The following SMIM8 variants were observed in gnomAD, a reference collection of about 807,000 sequenced individuals.
SMIM8 encodes the protein small integral membrane protein 8, also known as UPF0708 protein C6orf162.
Under a neutral mutation model 8.1 loss-of-function variants are expected in SMIM8, and 8 were observed. That is an observed-to-expected ratio of 0.99 (90% CI 0.58 to 1.78). The LOEUF is 1.78. SMIM8 is among the 40% of genes most tolerant of loss of function. SMIM8 has a pLI of 0.00. For synonymous variants in SMIM8, 45 were observed against 39.7 expected (o/e 1.13, Z -0.50); for missense variants, 126 against 119.8 (o/e 1.05, Z -0.24).
rs914081445 is a variant in SMIM8, at chr6:87,340,549, A to G, written c.*275A>G. 2.0e-4 allele frequency: 42 copies of G among 212,622 alleles called. No homozygotes were observed. The highest frequency in any genetic ancestry group is 9.3e-4 in the African/African-American group (41 of 43,880). The allele number at this position is 212,622 out of a possible 1,614,324, so 13.2% of individuals were successfully genotyped here. A position where few individuals can be genotyped will look rare whatever the true frequency, so the allele number is the denominator to read the frequency against. The stretch of plus-strand genomic sequence containing the variant: ...TGGAAGTTGTTTTTGTTAATTATTA[A>G]ATTCTGTATAATAAAAGTACCCATG... On this transcript the variant is annotated 3_prime_UTR_variant, in exon 4 of 4. Coordinates refer to ENST00000392863, the MANE Select transcript of SMIM8 (RefSeq NM_001042493.3).
At position 87,340,363 on chromosome 6, in the gene SMIM8, GT is replaced by G. The variant is rs1330368178; in HGVS notation, c.*91del. 4 of 1,258,744 alleles carry G rather than the reference GT, an allele frequency of 3.2e-6. No individual in the cohort carries two copies. Among genetic ancestry groups the G allele is most frequent in the Non-Finnish European group, 3.1e-6 (3 of 971,782 alleles). The allele number at this position is 1,258,744 out of a possible 1,614,324, so 78.0% of individuals were successfully genotyped here. On this transcript the variant is annotated 3_prime_UTR_variant, in exon 4 of 4. Coordinates refer to ENST00000392863, the MANE Select transcript of SMIM8 (RefSeq NM_001042493.3). ...GTGAGTGTACAGTATCATGTTTCTT[GT>G]TCTAGAACATGCTAATGAAGAGAGA...
rs1777238730 is a variant in SMIM8, at chr6:87,341,648, T to C, written c.*1374T>C. 5.1e-6 allele frequency: 1 copy of C among 197,628 alleles called. No individual in the cohort carries two copies. The highest frequency in any genetic ancestry group is 6.0e-5 in the Admixed American group (1 of 16,690). 12.2% of individuals were successfully genotyped at this position (197,628 alleles called of 1,614,324 possible). ...ATTTTTAATTTGTCATACTTTATTA[T>C]GGTTTTGTAAGGTACATGAAAATGT... On this transcript the variant is annotated 3_prime_UTR_variant, in exon 4 of 4. Transcript: ENST00000392863.
intron 1 of SMIM8, among the ~76,000 whole-genome samples, chr6:87,328,564 G>A (rs533190724): frequency 4.6e-5 from 7 of 152,044 alleles, no homozygotes; most frequent in African/African-American, 7.3e-5. Flanking sequence ...TAGGCTGCTC[G>A]GGGGTCAGGG....
At chr6:87,332,216 C>G (rs971903942) in intron 2 of SMIM8, among the ~76,000 whole-genome samples, 1 of 151,586 alleles carries the variant, frequency 6.6e-6, no homozygotes, top group Non-Finnish European at 1.5e-5. Context: ...GGTTGAATTT[C>G]ATAACACTCA....
intron 3 of SMIM8, among the ~76,000 whole-genome samples, chr6:87,337,407 T>C (rs1777136873): frequency 6.6e-6 from 1 of 152,192 alleles, no homozygotes; most frequent in Non-Finnish European, 1.5e-5. Context: ...CTTTATTGGA[T>C]TGGCTTCTCA....
chr6:87,337,730 G>A (rs2127924909), intron 3 of SMIM8, among the ~76,000 whole-genome samples: 1 of 152,260 alleles, frequency 6.6e-6, no homozygotes, highest in East Asian at 1.9e-4. Flanking sequence ...GGGCTCAAGG[G>A]ATCCTTGTAC....
At chr6:87,333,197 G>A (rs1473100770) in intron 2 of SMIM8, among the ~76,000 whole-genome samples, 3 of 152,126 alleles carry the variant, frequency 2.0e-5, no homozygotes, top group Non-Finnish European at 4.4e-5. Context: ...GAAAGAGAGG[G>A]GAGGTGCTAG....
At chr6:87,329,886 T>C (rs1289407142) in intron 1 of SMIM8, among the ~76,000 whole-genome samples, 2 of 152,166 alleles carry the variant, frequency 1.3e-5, no homozygotes. Context: ...GTAGCTACCA[T>C]TCATTGAACA....
chr6:87,327,688 T>G (rs1776863205), intron 1 of SMIM8, among the ~76,000 whole-genome samples: 1 of 148,172 alleles, frequency 6.7e-6, no homozygotes, highest in African/African-American at 2.5e-5. Context: ...GCCCTTAACA[T>G]TTTTTCCTTC....
intron 1 of SMIM8, among the ~76,000 whole-genome samples, chr6:87,324,497 G>T (rs1776766267): frequency 6.6e-6 from 1 of 150,504 alleles, no homozygotes; most frequent in Non-Finnish European, 1.5e-5. Flanking sequence ...TGGCTAGCCA[G>T]TTTTCCCAGC....
intron 2 of SMIM8, among the ~76,000 whole-genome samples, chr6:87,333,713 T>A (rs943537532): frequency 6.6e-6 from 1 of 152,216 alleles, no homozygotes; most frequent in Non-Finnish European, 1.5e-5. Flanking sequence ...AAAGGGATTC[T>A]GGGACTAAAG....
At position 87,341,411 on chromosome 6, in the gene SMIM8, C is replaced by T. The variant is rs1777231236; in HGVS notation, c.*1137C>T. The T allele has an allele frequency of 2.5e-6, 1 of 397,036 alleles. No individual in the cohort carries two copies. Among genetic ancestry groups the T allele is most frequent in the Non-Finnish European group, 4.4e-6 (1 of 225,218 alleles). The allele number at this position is 397,036 out of a possible 1,614,324, so 24.6% of individuals were successfully genotyped here. A position where few individuals can be genotyped will look rare whatever the true frequency, so the allele number is the denominator to read the frequency against. On this transcript the variant is annotated 3_prime_UTR_variant, in exon 4 of 4. Transcript: ENST00000392863. ...CAGGGGCCTAGGACAGAGGTCAAGGCTAGGCCCCTGTGTCTGGCCAGATTC... is the reference window on the plus strand; with the variant it reads ...CAGGGGCCTAGGACAGAGGTCAAGGTTAGGCCCCTGTGTCTGGCCAGATTC...
At chr6:87,333,188 A>AAAG (rs1325992349) in intron 2 of SMIM8, among the ~76,000 whole-genome samples, 3 of 152,112 alleles carry the variant, frequency 2.0e-5, no homozygotes, top group Middle Eastern at 3.2e-3. Context: ...AGGAAGCAAG[A>AAAG]AAGAGAGGGG....
rs1001573625 is a variant in SMIM8 at position 87,342,000 on chromosome 6, G to A, written c.*1726G>A. 3.9e-5 allele frequency: 6 copies of A among 152,184 alleles called. No individual in the cohort carries two copies. The highest frequency in any genetic ancestry group is 3.3e-4 in the Admixed American group (5 of 15,274). 9.4% of individuals were successfully genotyped at this position (152,184 alleles called of 1,614,324 possible). A position where few individuals can be genotyped will look rare whatever the true frequency, so the allele number is the denominator to read the frequency against. On this transcript the variant is annotated 3_prime_UTR_variant, in exon 4 of 4. Coordinates refer to ENST00000392863, the MANE Select transcript of SMIM8 (RefSeq NM_001042493.3). Reference sequence around the variant, plus strand: ...TGGTGGCAGAGGAGTTATTAGTTGCGTGAACTGTCAAGAGATTGCAGTGCA... The same window carrying A: ...TGGTGGCAGAGGAGTTATTAGTTGCATGAACTGTCAAGAGATTGCAGTGCA...
chr6:87,340,983 G>T lies in SMIM8; in HGVS notation c.*709G>T. On this transcript the variant is annotated 3_prime_UTR_variant, in exon 4 of 4. Transcript: ENST00000392863. ...TGTTTTACTGAGGTATGATGATTTT[G>T]ACTACAACTAAATGTTATCTATTTT... 4 of 248,926 alleles carry T rather than the reference G, an allele frequency of 1.6e-5. No homozygotes were observed. Among genetic ancestry groups the T allele is most frequent in the Non-Finnish European group, 2.2e-5 (3 of 133,482 alleles). 15.4% of individuals were successfully genotyped at this position (248,926 alleles called of 1,614,324 possible).
At chr6:87,327,759 C>G (rs531615611) in intron 1 of SMIM8, among the ~76,000 whole-genome samples, 3 of 145,520 alleles carry the variant, frequency 2.1e-5, no homozygotes, top group African/African-American at 7.7e-5. Context: ...CGAGGAGTAT[C>G]TTTGTGGCGT....
At chr6:87,331,342 T>C (rs1340482265) in intron 2 of SMIM8, among the ~76,000 whole-genome samples, 1 of 152,190 alleles carries the variant, frequency 6.6e-6, no homozygotes, top group African/African-American at 2.4e-5. Context: ...GCTTTTAAAA[T>C]TGAAACTTGT....
intron 2 of SMIM8, among the ~76,000 whole-genome samples, chr6:87,335,570 A>T (rs1358496205): frequency 2.6e-5 from 4 of 152,188 alleles, no homozygotes. Flanking sequence ...CAATTAAATG[A>T]TATAGATGAA....
At chr6:87,325,560 G>C (rs1405007283) in intron 1 of SMIM8, among the ~76,000 whole-genome samples, 1 of 149,806 alleles carries the variant, frequency 6.7e-6, no homozygotes, top group Non-Finnish European at 1.5e-5. Context: ...TTATATGCTG[G>C]ATTACATTTA....
Sources: gnomAD v4.1 joint callset for allele counts (sites outside exome capture counted in the v4.1 genomes callset) on GRCh38, gnomAD v4.1.1 for gene constraint, MANE v1.5 for transcripts, NCBI Gene and HGNC (gene_info 2026-07-23, HGNC 2026-07-21) for gene names.